SLC35A5: variants seen among roughly 807,000 people sequenced by gnomAD.
The protein encoded by SLC35A5 is UDP-sugar transporter protein SLC35A5.
Under a neutral mutation model 36.3 loss-of-function variants are expected in SLC35A5, and 28 were observed. That is an observed-to-expected ratio of 0.77 (90% CI 0.57 to 1.06). The LOEUF is 1.06. Ranked by LOEUF, SLC35A5 falls within the 50% of genes least tolerant of loss-of-function variation. The probability of loss-of-function intolerance (pLI) is 0.00; values close to 1 mark genes in which losing one functional copy is unlikely to be tolerated. For synonymous variants in SLC35A5, 180 were observed against 173.7 expected (o/e 1.04, Z -0.29); for missense variants, 521 against 499.3 (o/e 1.04, Z -0.41).
At position 112,563,649 on chromosome 3, in the gene SLC35A5, G is replaced by A. The variant is rs1934054429; in HGVS notation, c.130+116G>A. 3.7e-6 allele frequency: 4 copies of A among 1,079,992 alleles called. No individual in the cohort carries two copies. The South Asian group carries it at 1.3e-4, about 35-fold the overall frequency. The allele number at this position is 1,079,992 out of a possible 1,614,324, so 66.9% of individuals were successfully genotyped here. A position where few individuals can be genotyped will look rare whatever the true frequency, so the allele number is the denominator to read the frequency against. On this transcript the variant is annotated intron_variant, in intron 2 of 6. Transcript: ENST00000492406. The stretch of plus-strand genomic sequence containing the variant: ...TAATAATGCCTTTTGCTTCATGTGA[G>A]TGATAAAGCATATTTAAATTTGATT...
chr3:112,581,419 C>CA, intron 6 of SLC35A5, 93 bp downstream of exon 6: 2 of 1,264,448 alleles, frequency 1.6e-6, no homozygotes, highest in Non-Finnish European at 2.2e-6. Flanking sequence ...ACTGATTTGT[C>CA]AAAGAATGTA....
chr3:112,579,221 C>T (rs1253815179), intron 5 of SLC35A5, among the ~76,000 whole-genome samples: 5 of 152,054 alleles, frequency 3.3e-5, no homozygotes, highest in Non-Finnish European at 5.9e-5. Context: ...ACCATGGATC[C>T]GATCCCTTCT....
At chr3:112,563,673 T>A in intron 2 of SLC35A5, 140 bp downstream of exon 2, 2 of 922,882 alleles carry the variant, frequency 2.2e-6, no homozygotes, top group Non-Finnish European at 2.9e-6. Flanking sequence ...TTAAATTTGA[T>A]TATTTAACCT....
intron 5 of SLC35A5, among the ~76,000 whole-genome samples, chr3:112,575,275 A>G (rs1300179755): frequency 6.6e-6 from 1 of 152,182 alleles, no homozygotes. Flanking sequence ...TTAAATGAGT[A>G]CAGATGGTAT....
At chr3:112,577,012 T>C (rs1465563148) in intron 5 of SLC35A5, among the ~76,000 whole-genome samples, 1 of 150,462 alleles carries the variant, frequency 6.6e-6, no homozygotes. Flanking sequence ...GTATCAGAAC[T>C]ATCAAATACC....
At chr3:112,561,616 C>A (rs376864739), upstream of SLC35A5, 222 of 1,354,226 alleles carry the variant, frequency 1.6e-4, no homozygotes, top group African/African-American at 2.4e-3. Flanking sequence ...GTCCTCGCTG[C>A]CACCGACTCG....
At chr3:112,577,763 A>G (rs1016512851) in intron 5 of SLC35A5, among the ~76,000 whole-genome samples, 2 of 152,248 alleles carry the variant, frequency 1.3e-5, no homozygotes, top group Non-Finnish European at 2.9e-5. Flanking sequence ...GCAGAAGAAC[A>G]AAGAGAAGTG....
chr3:112,570,607 TC>T lies in SLC35A5; in HGVS notation c.299del (p.Pro100LeufsTer10). ...EFSDFMKWSI[P>X]AFLYFLDNLI... ...TCTCTGATTTCATGAAGTGGTCCAT[TC>T]CTGCCTTTCTTTATTTCCTGGATAA... is the stretch of plus-strand genomic sequence containing the variant. On this transcript the variant is annotated frameshift_variant, in exon 4 of 7. Transcript: ENST00000492406. LOFTEE classifies it high-confidence loss of function. 1 of 1,613,196 alleles carries T rather than the reference TC, an allele frequency of 6.2e-7. No individual in the cohort carries two copies. Among genetic ancestry groups the T allele is most frequent in the African/African-American group, 1.3e-5 (1 of 74,992 alleles).
intron 2 of SLC35A5, among the ~76,000 whole-genome samples, chr3:112,566,226 A>T (rs762943278): frequency 6.6e-6 from 1 of 152,190 alleles, no homozygotes; most frequent in Non-Finnish European, 1.5e-5. Flanking sequence ...GATGGAGACT[A>T]TTAGGAGGAA....
chr3:112,571,035 T>G (rs1358976073), intron 4 of SLC35A5, among the ~76,000 whole-genome samples: 1 of 152,224 alleles, frequency 6.6e-6, no homozygotes, highest in African/African-American at 2.4e-5. Context: ...AAAACTTCCC[T>G]GATTAACTCA....
At chr3:112,566,568 ACAT>A (rs779940041) in intron 2 of SLC35A5, among the ~76,000 whole-genome samples, 56 of 152,362 alleles carry the variant, frequency 3.7e-4, no homozygotes, top group Admixed American at 7.2e-4. Flanking sequence ...CATTAAGGAG[ACAT>A]CATTAGCGAG....
At chr3:112,575,356 A>T (rs1182604554) in intron 5 of SLC35A5, among the ~76,000 whole-genome samples, 1 of 152,186 alleles carries the variant, frequency 6.6e-6, no homozygotes, top group Non-Finnish European at 1.5e-5. Context: ...TTTACTAAAG[A>T]CTAAAAGTAT....
At chr3:112,564,586 G>T (rs139713209) in intron 2 of SLC35A5, among the ~76,000 whole-genome samples, 1 of 152,024 alleles carries the variant, frequency 6.6e-6, no homozygotes, top group Non-Finnish European at 1.5e-5. Flanking sequence ...GCAAAGAGGC[G>T]TTCCTTCCTC....
In SLC35A5 at chr3:112,575,419, T is replaced by C. The variant is rs529200202; in HGVS notation, c.428+1463T>C. Among the ~76,000 whole-genome samples the C allele has an allele frequency of 1.5e-4, 23 of 152,262 alleles. No homozygotes were observed. The South Asian group carries it at 2.5e-3, about 16-fold the overall frequency. On this transcript the variant is annotated intron_variant, in intron 5 of 6. Coordinates refer to ENST00000492406, the MANE Select transcript of SLC35A5 (RefSeq NM_017945.5). The stretch of plus-strand genomic sequence containing the variant: ...AGCTTTAGTCCTATCCTATAATAAG[T>C]ATTCCTTGTTAAATTTTTAAGCATT...
rs1446027235 is a variant in SLC35A5, at chr3:112,585,420, G to C, written c.*2684G>C. ...ATCATATCAGATGGGAAGGACATGAGGGTTGACAAAATATGTATTGGGTAC... is the reference window on the plus strand; with the variant it reads ...ATCATATCAGATGGGAAGGACATGACGGTTGACAAAATATGTATTGGGTAC... On this transcript the variant is annotated 3_prime_UTR_variant, in exon 7 of 7. Transcript: ENST00000492406. 1 of 152,132 alleles carries C rather than the reference G, an allele frequency of 6.6e-6. No individual in the cohort carries two copies. The allele number at this position is 152,132 out of a possible 1,614,324, so 9.4% of individuals were successfully genotyped here. A position where few individuals can be genotyped will look rare whatever the true frequency, so the allele number is the denominator to read the frequency against.
Position 112,562,238 on chromosome 3 carries a change from A to G in SLC35A5, c.-55A>G, listed in dbSNP as rs1576736820. 2 of 152,452 alleles carry G rather than the reference A, an allele frequency of 1.3e-5. No individual in the cohort carries two copies. The highest frequency in any genetic ancestry group is 2.0e-4 in the South Asian group (1 of 5,014). The allele number at this position is 152,452 out of a possible 1,614,324, so 9.4% of individuals were successfully genotyped here. Reference sequence around the variant, plus strand: ...AGACAGTTACTGTCTCAGCTCTAGGATGTGCGTTCTTCCACTAGAAGCTCT... The same window carrying G: ...AGACAGTTACTGTCTCAGCTCTAGGGTGTGCGTTCTTCCACTAGAAGCTCT... On this transcript the variant is annotated 5_prime_UTR_variant, in exon 1 of 7. It removes an upstream start codon present in the reference 5' UTR. Transcript: ENST00000492406.
chr3:112,565,640 T>C (rs1304872016), intron 2 of SLC35A5, among the ~76,000 whole-genome samples: 3 of 152,104 alleles, frequency 2.0e-5, no homozygotes, highest in Non-Finnish European at 4.4e-5. Context: ...TAGCTGGGTT[T>C]GTTGGCGTGT....
At chr3:112,561,453 T>G, upstream of SLC35A5, 1 of 1,612,220 alleles carries the variant, frequency 6.2e-7, no homozygotes, top group Non-Finnish European at 8.5e-7. Flanking sequence ...CTGGCCTGGC[T>G]TACCTTGAGG....
Position 112,584,957 on chromosome 3 carries a change from T to C in SLC35A5, c.*2221T>C, listed in dbSNP as rs1403637756. On this transcript the variant is annotated 3_prime_UTR_variant, in exon 7 of 7. Transcript: ENST00000492406. ...CAGAAACAGAAAATCAAATACCACA[T>C]GTTCTCACTTATAAGTGGGAGCTAA... is the stretch of plus-strand genomic sequence containing the variant. The C allele has an allele frequency of 6.6e-6, 1 of 152,184 alleles. No individual in the cohort carries two copies. Among genetic ancestry groups the C allele is most frequent in the Non-Finnish European group, 1.5e-5 (1 of 68,042 alleles). The allele number at this position is 152,184 out of a possible 1,614,324, so 9.4% of individuals were successfully genotyped here.
Sources: allele counts gnomAD v4.1 joint callset (sites outside exome capture counted in the v4.1 genomes callset), GRCh38; gene constraint gnomAD v4.1.1; transcripts MANE v1.5; gene names NCBI Gene and HGNC (gene_info 2026-07-23, HGNC 2026-07-21).